The following BTBD9 variants were observed in gnomAD, a reference collection of about 807,000 sequenced individuals.
BTBD9 encodes the protein BTB/POZ domain-containing protein 9.
BTBD9 carries 49 observed loss-of-function variants against 64.3 expected under a neutral mutation model. The observed-to-expected ratio is 0.76, with a 90% CI of 0.61 to 0.97. The LOEUF is 0.97. Ranked by LOEUF, BTBD9 falls within the 50% of genes least tolerant of loss-of-function variation. BTBD9 has a pLI of 0.00. For missense variants in BTBD9, 598 were observed against 762.1 expected, an observed-to-expected ratio of 0.78 and a Z score of 2.53; for synonymous variants, 260 against 274.7, an observed-to-expected ratio of 0.95 and a Z score of 0.53.
intron 6 of BTBD9, among the ~76,000 whole-genome samples, chr6:38,374,821 G>A (rs1430667852): frequency 6.6e-6 from 1 of 152,164 alleles, no homozygotes; most frequent in Non-Finnish European, 1.5e-5. Context: ...AGTATCATTG[G>A]CTTTTTTCCT....
intron 1 of BTBD9, among the ~76,000 whole-genome samples, chr6:38,604,832 A>C (rs944154444): frequency 6.6e-6 from 1 of 152,078 alleles, no homozygotes; most frequent in Non-Finnish European, 1.5e-5. Context: ...AAACCACAGG[A>C]ATTTGGAAAG....
chr6:38,459,003 C>T (rs1769947633), intron 6 of BTBD9, among the ~76,000 whole-genome samples: 2 of 151,946 alleles, frequency 1.3e-5, no homozygotes, highest in Non-Finnish European at 2.9e-5. Flanking sequence ...AAAGTCTGAC[C>T]ATGCTTTTAT....
rs771737210 is a variant in BTBD9, at chr6:38,222,254, G to GTTTTTTTTTTTTTTTTTTTTTTT, written c.1563-29658_1563-29657insAAAAAAAAAAAAAAAAAAAAAAA. Reference sequence around the variant, plus strand: ...TAAATTAGCCTTAATAATTCATTCAGTTGTTTTTTTTTTTTTTTTTTTTTT... The same window carrying GTTTTTTTTTTTTTTTTTTTTTTT: ...TAAATTAGCCTTAATAATTCATTCAGTTTTTTTTTTTTTTTTTTTTTTTTTGTTTTTTTTTTTTTTTTTTTTTT... On this transcript the variant is annotated intron_variant, in intron 9 of 10. Transcript: ENST00000481247. Among the ~76,000 whole-genome samples the GTTTTTTTTTTTTTTTTTTTTTTT allele has an allele frequency of 4.1e-5, 4 of 96,702 alleles. 2 individuals carry two copies. 63.4% of individuals were successfully genotyped at this position (96,702 alleles called of 152,430 possible).
chr6:38,362,378 A>G (rs1435253703), intron 6 of BTBD9, among the ~76,000 whole-genome samples: 5 of 152,236 alleles, frequency 3.3e-5, no homozygotes, highest in African/African-American at 7.2e-5. Flanking sequence ...CAAAGTACCC[A>G]TACAGTGTCC....
intron 6 of BTBD9, among the ~76,000 whole-genome samples, chr6:38,441,448 G>A (rs1479741498): frequency 6.6e-6 from 1 of 151,994 alleles, no homozygotes; most frequent in Admixed American, 6.6e-5. Context: ...TAGAGAGGGG[G>A]TCCCAGTCTG....
At chr6:38,564,452 C>CT (rs1197756878) in intron 6 of BTBD9, among the ~76,000 whole-genome samples, 1 of 152,142 alleles carries the variant, frequency 6.6e-6, no homozygotes, top group Non-Finnish European at 1.5e-5. Flanking sequence ...GGCATTTCAG[C>CT]TTGCTAAATG....
At chr6:38,634,770 G>A (rs1417228263) in intron 1 of BTBD9, among the ~76,000 whole-genome samples, 1 of 152,158 alleles carries the variant, frequency 6.6e-6, no homozygotes, top group African/African-American at 2.4e-5. Flanking sequence ...TCATGCACCA[G>A]GACAGTATTA....
chr6:38,494,134 C>T (rs1771831092), intron 6 of BTBD9, among the ~76,000 whole-genome samples: 1 of 152,168 alleles, frequency 6.6e-6, no homozygotes, highest in Non-Finnish European at 1.5e-5. Flanking sequence ...TAGCACAGCG[C>T]CCTCCAGTGG....
chr6:38,389,319 T>A (rs1291502970), intron 6 of BTBD9, among the ~76,000 whole-genome samples: 1 of 152,224 alleles, frequency 6.6e-6, no homozygotes, highest in Admixed American at 6.5e-5. Flanking sequence ...CAATAAATTG[T>A]TAATGATACA....
At chr6:38,439,994 T>C (rs1323506214) in intron 6 of BTBD9, among the ~76,000 whole-genome samples, 2 of 152,176 alleles carry the variant, frequency 1.3e-5, no homozygotes, top group East Asian at 3.8e-4. Flanking sequence ...GATGGGGGAT[T>C]GTAGAGGCTA....
intron 9 of BTBD9, among the ~76,000 whole-genome samples, chr6:38,210,262 C>T (rs1005142656): frequency 5.9e-5 from 9 of 152,004 alleles, no homozygotes; most frequent in African/African-American, 1.9e-4. Context: ...TATTCGTCTT[C>T]GATAATAGCA....
At chr6:38,507,945 T>C (rs1349012756) in intron 6 of BTBD9, among the ~76,000 whole-genome samples, 7 of 150,562 alleles carry the variant, frequency 4.6e-5, no homozygotes, top group African/African-American at 1.2e-4. Context: ...GCCATTCTCC[T>C]ACCTCAGCCT....
chr6:38,343,091 C>T (rs1400167459), intron 7 of BTBD9, among the ~76,000 whole-genome samples: 2 of 152,202 alleles, frequency 1.3e-5, no homozygotes, highest in African/African-American at 4.8e-5. Context: ...CAGATGATTA[C>T]AGTGCTCTTT....
In BTBD9 at chr6:38,518,309, GAA is replaced by G. The variant is rs1378834501; in HGVS notation, c.1154+59289_1154+59290del. 2.6e-5 allele frequency among the ~76,000 whole-genome samples: 4 copies of G among 152,262 alleles called. No homozygotes were observed. In the East Asian group the frequency reaches 7.7e-4, roughly 29 times the overall value. On this transcript the variant is annotated intron_variant, in intron 6 of 10. Coordinates refer to ENST00000481247, the MANE Select transcript of BTBD9 (RefSeq NM_001099272.2). ...GTATAGTATTCTCTCCTCCCAACGTGAAAAGAGGAGGAATGCCCTTTACAGGC... is the reference window on the plus strand; with the variant it reads ...GTATAGTATTCTCTCCTCCCAACGTGAAGAGGAGGAATGCCCTTTACAGGC...
chr6:38,502,344 G>GTATT (rs1772249003), intron 6 of BTBD9, among the ~76,000 whole-genome samples: 1 of 152,126 alleles, frequency 6.6e-6, no homozygotes, highest in African/African-American at 2.4e-5. Flanking sequence ...TTTCCATGGT[G>GTATT]TATTCTCTTC....
intron 9 of BTBD9, among the ~76,000 whole-genome samples, chr6:38,208,405 T>A (rs1190025689): frequency 6.6e-6 from 1 of 152,166 alleles, no homozygotes; most frequent in Non-Finnish European, 1.5e-5. Flanking sequence ...ATCTCTTTAA[T>A]CATATCTAAA....
At chr6:38,401,483 C>A (rs1766925368) in intron 6 of BTBD9, among the ~76,000 whole-genome samples, 1 of 152,178 alleles carries the variant, frequency 6.6e-6, no homozygotes, top group Non-Finnish European at 1.5e-5. Flanking sequence ...TGCCTCCAGG[C>A]TCTATAATGG....
At chr6:38,335,782 G>A (rs1386648291) in intron 7 of BTBD9, among the ~76,000 whole-genome samples, 1 of 152,100 alleles carries the variant, frequency 6.6e-6, no homozygotes, top group East Asian at 1.9e-4. Flanking sequence ...TGCCCAGGCT[G>A]GAGTGCAGTG....
At position 38,293,391 on chromosome 6, in the gene BTBD9, A is replaced by T. The variant is rs1161315823; in HGVS notation, c.1265-4930T>A. On this transcript the variant is annotated intron_variant, in intron 7 of 10. Transcript: ENST00000481247. ...TCCTAAGAAAAAAGAACAAAGCTGG[A>T]GGCATTATCCTACCTGACTTCAAAC... Among the ~76,000 whole-genome samples, 5 of 152,212 alleles carry T rather than the reference A, an allele frequency of 3.3e-5. No homozygotes were observed. The East Asian group carries it at 9.6e-4, about 29-fold the overall frequency.
Sources: gnomAD v4.1 joint callset for allele counts (sites outside exome capture counted in the v4.1 genomes callset) on GRCh38, gnomAD v4.1.1 for gene constraint, MANE v1.5 for transcripts, NCBI Gene and HGNC (gene_info 2026-07-23, HGNC 2026-07-21) for gene names.